IGF1R: variants seen among roughly 807,000 people sequenced by gnomAD.
IGF1R encodes insulin like growth factor 1 receptor.
IGF1R carries 44 observed loss-of-function variants against 144.6 expected under a neutral mutation model. The observed-to-expected ratio is 0.30, with a 90% CI of 0.24 to 0.39. The LOEUF is 0.39. Ranked by LOEUF, IGF1R falls within the 10% of genes least tolerant of loss-of-function variation. The pLI, the probability that IGF1R is intolerant of heterozygous loss-of-function variation, is 1.00. For synonymous variants in IGF1R, 795 were observed against 722.8 expected (o/e 1.10, Z -1.60); for missense variants, 1,355 against 1,833.7 (o/e 0.74, Z 4.77).
chr15:98,797,285 C>G (rs1308037127), intron 2 of IGF1R, among the ~76,000 whole-genome samples: 1 of 152,158 alleles, frequency 6.6e-6, no homozygotes, highest in African/African-American at 2.4e-5. Flanking sequence ...CAGCCCGAGC[C>G]CCGTTTTAGA....
At chr15:98,745,656 T>A (rs980668796) in intron 2 of IGF1R, among the ~76,000 whole-genome samples, 1 of 152,262 alleles carries the variant, frequency 6.6e-6, no homozygotes. Context: ...GAAAGATGGC[T>A]GAAACTCCTG....
intron 2 of IGF1R, among the ~76,000 whole-genome samples, chr15:98,848,002 C>G (rs1048727699): frequency 2.6e-5 from 4 of 152,080 alleles, no homozygotes; most frequent in Non-Finnish European, 5.9e-5. Context: ...GGCTCAGTTA[C>G]TGGCCAGGAG....
intron 17 of IGF1R, among the ~76,000 whole-genome samples, chr15:98,938,058 G>A (rs2016223699): frequency 6.6e-6 from 1 of 152,236 alleles, no homozygotes; most frequent in Non-Finnish European, 1.5e-5. Flanking sequence ...GTACCGAGGA[G>A]TTGTTATAAT....
At chr15:98,944,775 G>A (rs910668870) in intron 19 of IGF1R, among the ~76,000 whole-genome samples, 1 of 152,248 alleles carries the variant, frequency 6.6e-6, no homozygotes, top group Non-Finnish European at 1.5e-5. Context: ...TCTGCTAAGA[G>A]GTTTCCTTCC....
At position 98,831,341 on chromosome 15, in the gene IGF1R, G is replaced by C. The variant is rs75772897; in HGVS notation, c.641-59984G>C. Among the ~76,000 whole-genome samples, 1,088 of 152,288 alleles carry C rather than the reference G, an allele frequency of 7.1e-3. 11 individuals are homozygous for C. Among genetic ancestry groups the C allele is most frequent in the African/African-American group, 0.023 (976 of 41,548 alleles). On this transcript the variant is annotated intron_variant, in intron 2 of 20. Coordinates refer to ENST00000650285, the MANE Select transcript of IGF1R (RefSeq NM_000875.5). Reference sequence around the variant, plus strand: ...AATCCATCTCACCACCCACCTGCCAGTGGCATACTCCTTGCATAGACCCTG... The same window carrying C: ...AATCCATCTCACCACCCACCTGCCACTGGCATACTCCTTGCATAGACCCTG...
chr15:98,818,110 C>G (rs2056732972), intron 2 of IGF1R, among the ~76,000 whole-genome samples: 3 of 152,170 alleles, frequency 2.0e-5, no homozygotes, highest in African/African-American at 7.2e-5. Context: ...CAGGGTCTCA[C>G]CCTTATGACC....
chr15:98,650,748 GT>G, intron 1 of IGF1R: 1 of 306,158 alleles, frequency 3.3e-6, no homozygotes, highest in Non-Finnish European at 4.8e-6. Context: ...CCTGGCCTTG[GT>G]TTTGTTGTGG....
At position 98,850,990 on chromosome 15, in the gene IGF1R, T is replaced by C. The variant is rs539148112; in HGVS notation, c.641-40335T>C. Among the ~76,000 whole-genome samples, 18 of 152,124 alleles carry C rather than the reference T, an allele frequency of 1.2e-4. 1 individual carries two copies. The South Asian group carries it at 3.7e-3, about 32-fold the overall frequency. ...GAGAAACCTGCAAGTAGAGTCGGAGTACAGTGTTGAAAACACCATCTGCAA... is the reference window on the plus strand; with the variant it reads ...GAGAAACCTGCAAGTAGAGTCGGAGCACAGTGTTGAAAACACCATCTGCAA... On this transcript the variant is annotated intron_variant, in intron 2 of 20. Coordinates refer to ENST00000650285, the MANE Select transcript of IGF1R (RefSeq NM_000875.5).
At chr15:98,651,976 T>C (rs1032281934) in intron 1 of IGF1R, among the ~76,000 whole-genome samples, 13 of 152,246 alleles carry the variant, frequency 8.5e-5, no homozygotes, top group African/African-American at 2.7e-4. Flanking sequence ...AATAAGCTGC[T>C]GAGCCCTATC....
intron 2 of IGF1R, among the ~76,000 whole-genome samples, chr15:98,802,759 AT>A (rs555374156): frequency 3.3e-5 from 5 of 152,298 alleles, no homozygotes; most frequent in African/African-American, 1.2e-4. Context: ...AAAGCACAAG[AT>A]ATTTTTTCTC....
At chr15:98,900,276 T>C (rs1439765875) in intron 5 of IGF1R, among the ~76,000 whole-genome samples, 1 of 152,222 alleles carries the variant, frequency 6.6e-6, no homozygotes, top group Non-Finnish European at 1.5e-5. Context: ...GCCGTCAGCC[T>C]GTGTGTACCT....
chr15:98,903,212 A>G lies in IGF1R; in HGVS notation c.1247+3591A>G, dbSNP rs1383747223. Among the ~76,000 whole-genome samples, 2 of 152,204 alleles carry G rather than the reference A, an allele frequency of 1.3e-5. 1 individual carries two copies. Among genetic ancestry groups the G allele is most frequent in the Non-Finnish European group, 2.9e-5 (2 of 68,032 alleles). On this transcript the variant is annotated intron_variant, in intron 5 of 20. Coordinates refer to ENST00000650285, the MANE Select transcript of IGF1R (RefSeq NM_000875.5). The stretch of plus-strand genomic sequence containing the variant: ...AGAGAATATTTTCACTATCTGGAAA[A>G]TCCCCTTGTTTGGACAACCTTGTTT...
Position 98,963,275 on chromosome 15 carries a change from G to T in IGF1R, c.*5833G>T. ...CTAGCTTTACAATATGCCAAAAAAG[G>T]ATTTCTCCCTGACCCCATCCGTGGT... On this transcript the variant is annotated 3_prime_UTR_variant, in exon 21 of 21. Transcript: ENST00000650285. 1 of 229,374 alleles carries T rather than the reference G, an allele frequency of 4.4e-6. No homozygotes were observed. Among genetic ancestry groups the T allele is most frequent in the African/African-American group, 2.3e-5 (1 of 44,216 alleles). The allele number at this position is 229,374 out of a possible 1,614,324, so 14.2% of individuals were successfully genotyped here. A position where few individuals can be genotyped will look rare whatever the true frequency, so the allele number is the denominator to read the frequency against.
chr15:98,918,614 C>T (rs1184064453), intron 10 of IGF1R, among the ~76,000 whole-genome samples: 1 of 152,124 alleles, frequency 6.6e-6, no homozygotes, highest in Non-Finnish European at 1.5e-5. Context: ...GGCGCGGTGG[C>T]TCACGCCTGT....
chr15:98,665,018 C>T (rs1193923594), intron 1 of IGF1R, among the ~76,000 whole-genome samples: 4 of 143,016 alleles, frequency 2.8e-5, no homozygotes, highest in Non-Finnish European at 4.5e-5. Context: ...AGTGTGGTGG[C>T]GCAATCTTGG....
At chr15:98,769,282 T>C (rs2055523303) in intron 2 of IGF1R, among the ~76,000 whole-genome samples, 2 of 152,224 alleles carry the variant, frequency 1.3e-5, no homozygotes, top group African/African-American at 2.4e-5. Context: ...TGTGTTTTGT[T>C]GCTTAAGTCG....
At chr15:98,881,603 G>A (rs896379186) in intron 2 of IGF1R, among the ~76,000 whole-genome samples, 1 of 152,166 alleles carries the variant, frequency 6.6e-6, no homozygotes, top group African/African-American at 2.4e-5. Context: ...GATTACAGGC[G>A]TGAGCCACTG....
At chr15:98,790,904 A>G (rs1021874233) in intron 2 of IGF1R, among the ~76,000 whole-genome samples, 1 of 152,230 alleles carries the variant, frequency 6.6e-6, no homozygotes, top group Non-Finnish European at 1.5e-5. Context: ...AACAAAGCAG[A>G]AAGTGACGTT....
chr15:98,819,691 C>T (rs930021952), intron 2 of IGF1R, among the ~76,000 whole-genome samples: 3 of 152,124 alleles, frequency 2.0e-5, no homozygotes, highest in Admixed American at 6.5e-5. Flanking sequence ...TCCATTGATA[C>T]TTGCTGTATG....
Sources: allele counts gnomAD v4.1 joint callset (sites outside exome capture counted in the v4.1 genomes callset), GRCh38; gene constraint gnomAD v4.1.1; transcripts MANE v1.5; gene names NCBI Gene and HGNC (gene_info 2026-07-23, HGNC 2026-07-21).